Variants in ATF2 observed in about 807,000 individuals in gnomAD.
ATF2 encodes cyclic AMP-dependent transcription factor ATF-2.
In ATF2, 24 loss-of-function variants were observed where a neutral mutation model predicts 60.6. The observed-to-expected ratio is 0.40, with a 90% confidence interval of 0.29 to 0.56. The LOEUF (loss-of-function observed/expected upper bound fraction) is 0.56, where lower values mean the gene tolerates loss of function less well. Among genes scored for constraint, ATF2 ranks in the 20% least tolerant of loss-of-function variants. The probability of loss-of-function intolerance (pLI) is 0.54; values close to 1 mark genes in which losing one functional copy is unlikely to be tolerated. For missense variants in ATF2, 433 were observed against 607.7 expected (o/e 0.71, Z 3.02); for synonymous variants, 206 against 215.4 (o/e 0.96, Z 0.38).
intron 5 of ATF2, 110 bp from the exon 6 acceptor site, chr2:175,118,479 T>A: frequency 2.2e-6 from 2 of 915,378 alleles, no homozygotes; most frequent in Non-Finnish European, 3.2e-6. Flanking sequence ...TTGTTAATTC[T>A]CTCTTTGGAA....
intron 9 of ATF2, 84 bp downstream of exon 9, chr2:175,113,910 A>T: frequency 4.4e-6 from 5 of 1,145,550 alleles, no homozygotes; most frequent in Non-Finnish European, 6.5e-6. Context: ...ATTCAATTTC[A>T]TAAGCCAGTC....
In ATF2 at chr2:175,073,993, A is replaced by T. The variant is rs1402814520; in HGVS notation, c.*616T>A. The T allele has an allele frequency of 6.6e-6, 1 of 152,166 alleles. No homozygotes were observed. The highest frequency in any genetic ancestry group is 1.5e-5 in the Non-Finnish European group (1 of 68,014). The allele number at this position is 152,166 out of a possible 1,614,324, so 9.4% of individuals were successfully genotyped here. On this transcript the variant is annotated 3_prime_UTR_variant, in exon 14 of 14. Coordinates refer to ENST00000264110, the MANE Select transcript of ATF2 (RefSeq NM_001880.4). ...AGGAAAATGATTATAAATGACCTTG[A>T]TTTAGCTTAACAATGTGCATAAAAG...
chr2:175,099,432 C>T (rs1695166061), intron 10 of ATF2, among the ~76,000 whole-genome samples: 1 of 152,054 alleles, frequency 6.6e-6, no homozygotes, highest in South Asian at 2.1e-4. Flanking sequence ...CAAATACACT[C>T]ATGCAACCTA....
chr2:175,137,909 T>C (rs552414173), intron 2 of ATF2, among the ~76,000 whole-genome samples: 44 of 152,278 alleles, frequency 2.9e-4, no homozygotes, highest in African/African-American at 1.1e-3. Context: ...ATAACAATTC[T>C]GGGAGGCTTA....
Position 175,114,846 on chromosome 2 carries a change from G to A in ATF2, c.470C>T (p.Ala157Val). ...DEKEVPLAQT[A>V]QPTSAIVRPA... The stretch of plus-strand genomic sequence containing the variant: ...ACGAACAATAGCTGATGTGGGCTGT[G>A]CAGTTTGTGCCAATGGTACTTCCTA... Residue 157 changes from alanine to valine, a missense_variant, in exon 8 of 14, where the codon GCA (alanine) becomes GTA (valine). Around this residue, in one of 5 missense-constraint regions of ATF2, gnomAD observed 246 missense variants for 309.3 expected, o/e 0.80. Coordinates refer to ENST00000264110, the MANE Select transcript of ATF2 (RefSeq NM_001880.4). 6.2e-7 allele frequency: 1 copy of A among 1,613,622 alleles called. No individual in the cohort carries two copies. The highest frequency in any genetic ancestry group is 8.5e-7 in the Non-Finnish European group (1 of 1,179,672).
At chr2:175,092,603 G>A (rs946347718) in intron 12 of ATF2, 5 of 451,508 alleles carry the variant, frequency 1.1e-5, no homozygotes, top group Non-Finnish European at 9.1e-6. Flanking sequence ...CACCTTTCAC[G>A]AGCAATATAT....
intron 1 of ATF2, among the ~76,000 whole-genome samples, chr2:175,160,817 G>A (rs1699980129): frequency 6.6e-6 from 1 of 152,038 alleles, no homozygotes; most frequent in South Asian, 2.1e-4. Flanking sequence ...GAGGTGGGAG[G>A]ATCGCTTGAG....
chr2:175,110,041 G>T (rs1696060079), intron 10 of ATF2, among the ~76,000 whole-genome samples: 1 of 152,154 alleles, frequency 6.6e-6, no homozygotes, highest in African/African-American at 2.4e-5. Context: ...GAGAATAGCA[G>T]TAAAAATTTT....
chr2:175,160,300 G>A (rs186875397), intron 1 of ATF2, among the ~76,000 whole-genome samples: 23 of 152,158 alleles, frequency 1.5e-4, no homozygotes, highest in African/African-American at 5.1e-4. Context: ...TGGGAGGATT[G>A]CTGAAGCCCA....
intron 13 of ATF2, 106 bp from the exon 14 acceptor site, chr2:175,074,941 C>G (rs1574294916): frequency 6.5e-7 from 1 of 1,537,506 alleles, no homozygotes; most frequent in Non-Finnish European, 8.7e-7. Context: ...TCTTACAAAA[C>G]TGATTAGACA....
At chr2:175,105,067 A>G (rs1012093761) in intron 10 of ATF2, among the ~76,000 whole-genome samples, 4 of 152,020 alleles carry the variant, frequency 2.6e-5, no homozygotes, top group African/African-American at 9.7e-5. Flanking sequence ...AGTACTTAAG[A>G]AAGACAATTG....
intron 4 of ATF2, among the ~76,000 whole-genome samples, chr2:175,123,481 G>C (rs1697108470): frequency 6.6e-6 from 1 of 152,006 alleles, no homozygotes; most frequent in Admixed American, 6.6e-5. Context: ...TAGATAAGAA[G>C]TTGGAATGTT....
intron 10 of ATF2, among the ~76,000 whole-genome samples, chr2:175,103,783 G>C (rs1480484698): frequency 6.6e-6 from 1 of 151,344 alleles, no homozygotes; most frequent in Admixed American, 6.6e-5. Flanking sequence ...GCTGCTTTTT[G>C]ATTACAAATA....
intron 7 of ATF2, among the ~76,000 whole-genome samples, chr2:175,117,574 C>T (rs1024248751): frequency 2.0e-5 from 3 of 151,862 alleles, no homozygotes; most frequent in African/African-American, 7.2e-5. Flanking sequence ...TCCTAATTGC[C>T]GCTAACAAAG....
At chr2:175,141,030 AATATAT>A (rs1553513531) in intron 2 of ATF2, among the ~76,000 whole-genome samples, 39 of 37,620 alleles carry the variant, frequency 1.0e-3, no homozygotes, top group East Asian at 5.4e-3. Flanking sequence ...AAAAAAAAAA[AATATAT>A]ATATATATAT....
Position 175,114,781 on chromosome 2 carries a change from A to T in ATF2, c.535T>A (p.Ser179Thr). The change falls in exon 8 of 14, where the codon TCT becomes ACT. Residue 179 changes from serine (S) to threonine (T), a missense_variant. Ser to Thr is a moderately conservative substitution (Grantham distance 58). This residue lies in a region of ATF2 where 246 missense variants were observed against 309.3 expected (regional missense o/e 0.80). Transcript: ENST00000264110. ...TGCTGAATAATTACACTTGAGTCAG[A>T]ACTTGTAAGCAGCACATTGGGAACC... ...LQVPNVLLTS[S>T]DSSVIIQQAV... 6.2e-7 allele frequency: 1 copy of T among 1,614,068 alleles called. No homozygotes were observed. Among genetic ancestry groups the T allele is most frequent in the Non-Finnish European group, 8.5e-7 (1 of 1,179,940 alleles).
chr2:175,141,491 CTTTTCTTTT>C (rs913738223), intron 2 of ATF2, among the ~76,000 whole-genome samples: 2 of 152,010 alleles, frequency 1.3e-5, no homozygotes, highest in African/African-American at 4.8e-5. Context: ...ACATATTTTT[CTTTTCTTTT>C]TTTTCTTTTC....
In ATF2 at chr2:175,097,474, T is replaced by C; in HGVS notation, c.948A>G (p.Gln316=). The C allele has an allele frequency of 6.2e-7, 1 of 1,614,166 alleles. No individual in the cohort carries two copies. The highest frequency in any genetic ancestry group is 1.1e-5 in the South Asian group (1 of 91,076). The change falls in exon 11 of 14, where the codon CAA becomes CAG. Residue 316 remains glutamine (Q), a synonymous_variant. Transcript: ENST00000264110. ...TTTCTGTAGTGGATGTGGCTGGCTG[T>C]TGTAATGACTGCGGTCGAGATTCCT... The part of the protein sequence containing the change: ...QSEESRPQSL[Q]QPATSTTETP...
chr2:175,101,730 T>A lies in ATF2; in HGVS notation c.829-4137A>T, dbSNP rs74995852. ...AAGCAGCATCAGTATTCATTCATTA[T>A]CCTTCCTTGACTGCCCTAGGGTATA... On this transcript the variant is annotated intron_variant, in intron 10 of 13. Transcript: ENST00000264110. Among the ~76,000 whole-genome samples, 90 of 152,306 alleles carry A rather than the reference T, an allele frequency of 5.9e-4. 1 individual carries two copies. In the South Asian group the frequency reaches 0.011, roughly 18 times the overall value.
Sources: gnomAD v4.1 joint callset for allele counts (sites outside exome capture counted in the v4.1 genomes callset) on GRCh38, gnomAD v4.1.1 for gene constraint, gnomAD v4.1.1 regional missense constraint, MANE v1.5 for transcripts, NCBI Gene and HGNC (gene_info 2026-07-23, HGNC 2026-07-21) for gene names.